The following OSBPL1A variants were observed in gnomAD, a reference collection of about 807,000 sequenced individuals.
OSBPL1A encodes oxysterol-binding protein-related protein 1.
In OSBPL1A, 80 loss-of-function variants were observed where a neutral mutation model predicts 137.1. That is an observed-to-expected ratio of 0.58 (90% CI 0.49 to 0.70). The LOEUF (loss-of-function observed/expected upper bound fraction) is 0.70, where lower values mean the gene tolerates loss of function less well. Among genes scored for constraint, OSBPL1A ranks in the 30% least tolerant of loss-of-function variants. The pLI, the probability that OSBPL1A is intolerant of heterozygous loss-of-function variation, is 0.00. For synonymous variants in OSBPL1A, 365 were observed against 389.7 expected, an observed-to-expected ratio of 0.94 and a Z score of 0.75; for missense variants, 970 against 1,129.4, an observed-to-expected ratio of 0.86 and a Z score of 2.02.
chr18:24,251,728 TA>T (rs2089103681), intron 15 of OSBPL1A, among the ~76,000 whole-genome samples: 1 of 152,074 alleles, frequency 6.6e-6, no homozygotes, highest in Admixed American at 6.5e-5. Flanking sequence ...ATGAACTAAA[TA>T]AGGCAGCAGG....
intron 1 of OSBPL1A, among the ~76,000 whole-genome samples, chr18:24,396,967 A>G (rs1311239861): frequency 2.0e-5 from 3 of 152,208 alleles, no homozygotes; most frequent in Admixed American, 2.0e-4. Context: ...CATTTGCAAC[A>G]TTCAAGCAAC....
intron 13 of OSBPL1A, among the ~76,000 whole-genome samples, chr18:24,305,351 T>A (rs1286982712): frequency 6.6e-6 from 1 of 152,190 alleles, no homozygotes; most frequent in Non-Finnish European, 1.5e-5. Context: ...GATCGACGAT[T>A]TACTTGTTTT....
chr18:24,315,826 T>A (rs1474127770), intron 11 of OSBPL1A, among the ~76,000 whole-genome samples: 1 of 116,218 alleles, frequency 8.6e-6, no homozygotes, highest in African/African-American at 3.5e-5. Flanking sequence ...AAATATATAA[T>A]ATATAGTATA....
chr18:24,333,982 C>A (rs967911116), intron 6 of OSBPL1A, among the ~76,000 whole-genome samples: 1 of 152,068 alleles, frequency 6.6e-6, no homozygotes, highest in Non-Finnish European at 1.5e-5. Flanking sequence ...AAATCAGATT[C>A]TTATCCATCA....
intron 14 of OSBPL1A, among the ~76,000 whole-genome samples, chr18:24,300,741 A>G (rs2090384175): frequency 6.6e-6 from 1 of 152,218 alleles, no homozygotes; most frequent in South Asian, 2.1e-4. Flanking sequence ...TCTGTCTACA[A>G]ACATTTTTGT....
intron 2 of OSBPL1A, among the ~76,000 whole-genome samples, chr18:24,375,640 AC>A (rs1409032154): frequency 6.6e-5 from 10 of 152,076 alleles, no homozygotes; most frequent in Admixed American, 1.3e-4. Context: ...TTCCAGTTTC[AC>A]ACCTCTCCCA....
At chr18:24,320,851 A>G (rs2090835300) in intron 7 of OSBPL1A, among the ~76,000 whole-genome samples, 1 of 151,948 alleles carries the variant, frequency 6.6e-6, no homozygotes, top group Non-Finnish European at 1.5e-5. Context: ...AACATGGTGA[A>G]ACCCCCATCT....
intron 14 of OSBPL1A, among the ~76,000 whole-genome samples, chr18:24,299,241 T>G (rs928813150): frequency 2.0e-5 from 3 of 152,184 alleles, no homozygotes; most frequent in African/African-American, 7.2e-5. Context: ...AATGTTAATA[T>G]TGAGATGTGA....
chr18:24,280,738 A>T, intron 15 of OSBPL1A, 104 bp downstream of exon 15: 1 of 651,222 alleles, frequency 1.5e-6, no homozygotes. Context: ...TGTTAATACT[A>T]ATTTTTTCCT....
intron 14 of OSBPL1A, among the ~76,000 whole-genome samples, chr18:24,287,609 C>T (rs2090089394): frequency 6.6e-6 from 1 of 151,936 alleles, no homozygotes; most frequent in Middle Eastern, 3.4e-3. Flanking sequence ...CCTGTCTCTA[C>T]TAAAAATACA....
At chr18:24,335,546 A>G (rs150445891) in intron 5 of OSBPL1A, among the ~76,000 whole-genome samples, 1 of 152,266 alleles carries the variant, frequency 6.6e-6, no homozygotes, top group East Asian at 1.9e-4. Flanking sequence ...TCTGAATTCT[A>G]TTTTGGTTTA....
At chr18:24,173,476 G>C (rs982254538) in intron 21 of OSBPL1A, among the ~76,000 whole-genome samples, 12 of 152,162 alleles carry the variant, frequency 7.9e-5, no homozygotes, top group Non-Finnish European at 1.5e-4. Context: ...GCAGTGGCGT[G>C]ATCTCGGCTC....
chr18:24,267,860 A>T (rs275878), intron 15 of OSBPL1A, among the ~76,000 whole-genome samples: 1,836 of 146,112 alleles, frequency 0.013, 45 homozygotes, highest in African/African-American at 0.045. Flanking sequence ...TTTTTTTTTT[A>T]AATCAGGGAT....
chr18:24,331,435 C>T (rs1401883166), intron 7 of OSBPL1A, among the ~76,000 whole-genome samples: 5 of 144,408 alleles, frequency 3.5e-5, no homozygotes, highest in Admixed American at 6.9e-5. Flanking sequence ...CTCGCTCTGT[C>T]GCCCAGGCTG....
chr18:24,189,487 G>C (rs1200613365), intron 18 of OSBPL1A, among the ~76,000 whole-genome samples: 1 of 152,182 alleles, frequency 6.6e-6, no homozygotes, highest in Non-Finnish European at 1.5e-5. Context: ...GCAGTCAGCT[G>C]TCCCCTGGAC....
intron 21 of OSBPL1A, among the ~76,000 whole-genome samples, chr18:24,175,100 A>ATG (rs36098607): frequency 0.087 from 5,189 of 59,316 alleles, 177 homozygotes; most frequent in South Asian, 0.24. Flanking sequence ...CTTATTTGCC[A>ATG]TGTGTATGTA....
intron 27 of OSBPL1A, among the ~76,000 whole-genome samples, chr18:24,164,414 T>C (rs1222952136): frequency 7.3e-6 from 1 of 137,422 alleles, no homozygotes; most frequent in African/African-American, 2.6e-5. Flanking sequence ...AGTATGGAGA[T>C]TTTTGGTTTT....
chr18:24,177,179 G>A (rs931380739), intron 21 of OSBPL1A, among the ~76,000 whole-genome samples: 1 of 152,214 alleles, frequency 6.6e-6, no homozygotes, highest in Non-Finnish European at 1.5e-5. Context: ...CGCAGCAGGA[G>A]TGTAGCTACA....
chr18:24,374,986 G>C (rs1409087837), intron 2 of OSBPL1A, among the ~76,000 whole-genome samples: 1 of 152,008 alleles, frequency 6.6e-6, no homozygotes, highest in East Asian at 1.9e-4. Context: ...GGAAACACAG[G>C]GGAAGGGAGA....
Sources: gnomAD v4.1 joint callset for allele counts (sites outside exome capture counted in the v4.1 genomes callset) on GRCh38, gnomAD v4.1.1 for gene constraint, MANE v1.5 for transcripts, NCBI Gene and HGNC (gene_info 2026-07-23, HGNC 2026-07-21) for gene names.